Variants in SLC35F4 observed in about 807,000 individuals in gnomAD.
The protein encoded by SLC35F4 is solute carrier family 35 member F4.
SLC35F4 carries 24 observed loss-of-function variants against 44.2 expected under a neutral mutation model. That is an observed-to-expected ratio of 0.54 (90% CI 0.39 to 0.76). SLC35F4 has a LOEUF of 0.76. Ranked by LOEUF, SLC35F4 falls within the 30% of genes least tolerant of loss-of-function variation. The pLI is 0.00. For synonymous variants in SLC35F4, 238 were observed against 223.6 expected, an observed-to-expected ratio of 1.06 and a Z score of -0.57; for missense variants, 562 against 586.1, an observed-to-expected ratio of 0.96 and a Z score of 0.42.
At chr14:57,749,257 T>C (rs2076828317) in intron 1 of SLC35F4, among the ~76,000 whole-genome samples, 1 of 152,174 alleles carries the variant, frequency 6.6e-6, no homozygotes, top group South Asian at 2.1e-4. Flanking sequence ...TGTTTGGGGA[T>C]AGGATCACGA....
chr14:57,604,356 A>G (rs1181352233), intron 1 of SLC35F4: 1 of 152,180 alleles, frequency 6.6e-6, no homozygotes, highest in Non-Finnish European at 1.5e-5. Flanking sequence ...AGCAAAATAG[A>G]TAAGAAAATG....
chr14:57,917,296 T>G (rs6573178), intron 1 of SLC35F4, among the ~76,000 whole-genome samples: 6,731 of 152,258 alleles, frequency 0.044, 419 homozygotes, highest in African/African-American at 0.14. Context: ...CCTGACCTTG[T>G]GATCTGCCCA....
At chr14:57,660,766 C>T (rs1175074888) in intron 1 of SLC35F4, among the ~76,000 whole-genome samples, 1 of 152,036 alleles carries the variant, frequency 6.6e-6, no homozygotes, top group East Asian at 1.9e-4. Context: ...AGCCTCTCAC[C>T]AACATGAGTG....
At chr14:57,821,484 T>C (rs1883173164) in intron 1 of SLC35F4, among the ~76,000 whole-genome samples, 1 of 152,198 alleles carries the variant, frequency 6.6e-6, no homozygotes, top group Admixed American at 6.5e-5. Flanking sequence ...GCATGCAGTA[T>C]ACAAACCATA....
At chr14:57,880,743 T>C (rs918412199) in intron 1 of SLC35F4, among the ~76,000 whole-genome samples, 6 of 152,180 alleles carry the variant, frequency 3.9e-5, no homozygotes, top group African/African-American at 1.4e-4. Flanking sequence ...TCTCATTGAG[T>C]GGTATTACCT....
chr14:57,743,571 A>G (rs1352052216), intron 1 of SLC35F4, among the ~76,000 whole-genome samples: 1 of 152,218 alleles, frequency 6.6e-6, no homozygotes, highest in African/African-American at 2.4e-5. Context: ...GCTGAAATTG[A>G]AGCAATGATT....
chr14:57,564,089 A>G lies in SLC35F4; in HGVS notation c.*46T>C. 1 of 1,599,316 alleles carries G rather than the reference A, an allele frequency of 6.3e-7. No homozygotes were observed. Among genetic ancestry groups the G allele is most frequent in the Non-Finnish European group, 8.5e-7 (1 of 1,169,908 alleles). ...GTACAGGTAGTGAGAAAATTTTGTT[A>G]TATTCACAGAATATACATACACGTG... On this transcript the variant is annotated 3_prime_UTR_variant, in exon 8 of 8. Transcript: ENST00000556826.
intron 1 of SLC35F4, among the ~76,000 whole-genome samples, chr14:57,884,542 C>T (rs1483964981): frequency 6.6e-6 from 1 of 152,112 alleles, no homozygotes; most frequent in Non-Finnish European, 1.5e-5. Flanking sequence ...TGTTAAAATA[C>T]ATAACAAAAG....
chr14:57,770,034 C>G (rs186482300), intron 1 of SLC35F4, among the ~76,000 whole-genome samples: 14 of 152,282 alleles, frequency 9.2e-5, no homozygotes, highest in Admixed American at 3.9e-4. Context: ...CAAAACCCCA[C>G]AGAAACAAAA....
rs188731694 is a variant in SLC35F4, at chr14:57,976,869, C to T, written n.240G>A. 3.9e-5 allele frequency: 6 copies of T among 152,350 alleles called. No individual in the cohort carries two copies. The East Asian group carries it at 9.6e-4, about 24-fold the overall frequency. The allele number at this position is 152,350 out of a possible 1,614,324, so 9.4% of individuals were successfully genotyped here. ...TGTCTTATCTGAGGGTTCTCTCTCACAGTAGAGTCTGCAGAGACTTTGATT... is the reference window on the plus strand; with the variant it reads ...TGTCTTATCTGAGGGTTCTCTCTCATAGTAGAGTCTGCAGAGACTTTGATT... On this transcript the variant is annotated non_coding_transcript_exon_variant, in exon 2 of 2. Coordinates refer to the SLC35F4 transcript ENST00000554648.
At chr14:57,715,873 G>T (rs143155597) in intron 1 of SLC35F4, among the ~76,000 whole-genome samples, 2 of 151,768 alleles carry the variant, frequency 1.3e-5, no homozygotes, top group East Asian at 3.9e-4. Context: ...ATATAAAAAT[G>T]TACTTTTAAA....
intron 1 of SLC35F4, among the ~76,000 whole-genome samples, chr14:57,775,126 C>T (rs1479911397): frequency 1.3e-5 from 2 of 152,250 alleles, no homozygotes; most frequent in Admixed American, 6.5e-5. Context: ...CCTGTGCCCA[C>T]CAGCACCCCA....
rs78906236 is a variant in SLC35F4 at position 57,665,376 on chromosome 14, A to G, written c.104-71252T>C. Among the ~76,000 whole-genome samples, 1,000 of 152,262 alleles carry G rather than the reference A, an allele frequency of 6.6e-3. 7 individuals carry two copies. The highest frequency in any genetic ancestry group is 0.022 in the African/African-American group (933 of 41,538). On this transcript the variant is annotated intron_variant, in intron 1 of 7. Coordinates refer to ENST00000556826, the MANE Select transcript of SLC35F4 (RefSeq NM_001306087.2). ...ATCTCATTATGGGCCAGATATTTGTATTTCACTTTAAACATCTTCCTTTAC... is the reference window on the plus strand; with the variant it reads ...ATCTCATTATGGGCCAGATATTTGTGTTTCACTTTAAACATCTTCCTTTAC...
At chr14:57,881,726 T>C (rs998700748) in intron 1 of SLC35F4, among the ~76,000 whole-genome samples, 13 of 152,188 alleles carry the variant, frequency 8.5e-5, no homozygotes, top group Non-Finnish European at 1.8e-4. Flanking sequence ...ACATGTTGGT[T>C]CTTTATTTTG....
At chr14:57,817,506 C>T (rs1354294832) in intron 1 of SLC35F4, among the ~76,000 whole-genome samples, 1 of 152,050 alleles carries the variant, frequency 6.6e-6, no homozygotes, top group African/African-American at 2.4e-5. Context: ...ATGGGCTGCA[C>T]CACAGCCTGA....
chr14:57,623,328 TA>T (rs2072299174), intron 1 of SLC35F4, among the ~76,000 whole-genome samples: 1 of 152,108 alleles, frequency 6.6e-6, no homozygotes, highest in African/African-American at 2.4e-5. Flanking sequence ...CTTAGAGACC[TA>T]AAAAGAGACT....
chr14:57,632,474 C>T (rs572161624), intron 1 of SLC35F4, among the ~76,000 whole-genome samples: 2 of 152,192 alleles, frequency 1.3e-5, no homozygotes, highest in East Asian at 3.9e-4. Flanking sequence ...ATACTAACTT[C>T]TTAAAAAATA....
chr14:57,966,808 G>A (rs575447632), intron 1 of SLC35F4, among the ~76,000 whole-genome samples: 14 of 152,188 alleles, frequency 9.2e-5, no homozygotes, highest in African/African-American at 2.2e-4. Flanking sequence ...TCAGGAGCTC[G>A]AGACCAGCCT....
At chr14:57,695,016 A>C (rs1466059814) in intron 1 of SLC35F4, among the ~76,000 whole-genome samples, 2 of 152,204 alleles carry the variant, frequency 1.3e-5, no homozygotes, top group African/African-American at 2.4e-5. Flanking sequence ...TACAAAGATT[A>C]ATTCAAGATG....
Sources: gnomAD v4.1 joint callset for allele counts (sites outside exome capture counted in the v4.1 genomes callset) on GRCh38, gnomAD v4.1.1 for gene constraint, MANE v1.5 for transcripts, NCBI Gene and HGNC (gene_info 2026-07-23, HGNC 2026-07-21) for gene names.